The following PLCB1 variants were observed in gnomAD, a reference collection of about 807,000 sequenced individuals.
PLCB1 encodes the protein 1-phosphatidylinositol 4,5-bisphosphate phosphodiesterase beta-1.
In PLCB1, 46 loss-of-function variants were observed where a neutral mutation model predicts 161.8. The ratio of observed to expected loss-of-function variants is 0.28; its 90% CI spans 0.22 to 0.36. The LOEUF (loss-of-function observed/expected upper bound fraction) is 0.36. Ranked by LOEUF, PLCB1 falls within the 10% of genes least tolerant of loss-of-function variation. The pLI, the probability that PLCB1 is intolerant of heterozygous loss-of-function variation, is 1.00. For missense variants in PLCB1, 1,016 were observed against 1,472.5 expected (o/e 0.69, Z 5.07); for synonymous variants, 517 against 503.7 (o/e 1.03, Z -0.35).
At chr20:8,278,137 G>A (rs1982669697) in intron 2 of PLCB1, among the ~76,000 whole-genome samples, 1 of 151,266 alleles carries the variant, frequency 6.6e-6, no homozygotes, top group Admixed American at 6.6e-5. Flanking sequence ...AAAAGAATTA[G>A]AGCATATCCC....
chr20:8,624,135 C>T (rs911181787), intron 3 of PLCB1, among the ~76,000 whole-genome samples: 3 of 152,184 alleles, frequency 2.0e-5, no homozygotes, highest in African/African-American at 7.2e-5. Context: ...ACACGAATCT[C>T]ACTTAAGTAT....
chr20:8,308,654 A>T (rs1285474849), intron 2 of PLCB1, among the ~76,000 whole-genome samples: 1 of 150,612 alleles, frequency 6.6e-6, no homozygotes. Context: ...ACAACTATGA[A>T]TGTTCCTGTT....
At chr20:8,193,448 A>T (rs930865799) in intron 2 of PLCB1, among the ~76,000 whole-genome samples, 5 of 151,790 alleles carry the variant, frequency 3.3e-5, no homozygotes, top group Non-Finnish European at 5.9e-5. Flanking sequence ...GAGGAGAAAG[A>T]TGTGCTCTAT....
intron 3 of PLCB1, among the ~76,000 whole-genome samples, chr20:8,626,214 CA>C (rs1361523635): frequency 6.7e-6 from 1 of 149,244 alleles, no homozygotes; most frequent in Non-Finnish European, 1.5e-5. Context: ...ATATGAGCAA[CA>C]ATTACTGGGG....
intron 3 of PLCB1, among the ~76,000 whole-genome samples, chr20:8,566,772 A>G (rs1011499855): frequency 6.7e-6 from 1 of 149,474 alleles, no homozygotes; most frequent in Non-Finnish European, 1.5e-5. Context: ...CACTTCGGTT[A>G]CTTAGCTTGA....
intron 19 of PLCB1, among the ~76,000 whole-genome samples, chr20:8,736,012 C>T (rs758477137): frequency 1.3e-5 from 2 of 152,176 alleles, no homozygotes; most frequent in Admixed American, 6.5e-5. Flanking sequence ...ATAATTCTGT[C>T]CCCTTTCACA....
At chr20:8,498,704 G>A (rs1983281458) in intron 3 of PLCB1, among the ~76,000 whole-genome samples, 1 of 152,186 alleles carries the variant, frequency 6.6e-6, no homozygotes, top group Admixed American at 6.5e-5. Context: ...AAATTTAGTG[G>A]CTTAAGACAA....
At chr20:8,404,011 G>T (rs924867212) in intron 3 of PLCB1, among the ~76,000 whole-genome samples, 3 of 152,040 alleles carry the variant, frequency 2.0e-5, no homozygotes, top group African/African-American at 7.2e-5. Flanking sequence ...GTTAAATCAG[G>T]CTTGCTTTTT....
intron 9 of PLCB1, among the ~76,000 whole-genome samples, chr20:8,681,115 T>TAA (rs1384457520): frequency 9.6e-5 from 10 of 103,902 alleles, no homozygotes; most frequent in Non-Finnish European, 1.4e-4. Flanking sequence ...TATATATATA[T>TAA]ATATAATATA....
chr20:8,296,962 C>T (rs948160058), intron 2 of PLCB1, among the ~76,000 whole-genome samples: 4 of 152,000 alleles, frequency 2.6e-5, no homozygotes, highest in African/African-American at 9.7e-5. Context: ...TCAGTCGCAG[C>T]CTTTTCTATC....
chr20:8,831,076 A>G (rs1985957475), intron 31 of PLCB1: 1 of 152,198 alleles, frequency 6.6e-6, no homozygotes, highest in Non-Finnish European at 1.5e-5. Context: ...CTTATTTTAA[A>G]ATCACTCTAA....
intron 2 of PLCB1, among the ~76,000 whole-genome samples, chr20:8,228,407 T>A (rs6086369): frequency 3.3e-5 from 5 of 151,588 alleles, no homozygotes; most frequent in Non-Finnish European, 5.9e-5. Flanking sequence ...CCACCTATCC[T>A]TCTGGATTGC....
intron 14 of PLCB1, among the ~76,000 whole-genome samples, chr20:8,718,223 A>G (rs949331572): frequency 1.3e-5 from 2 of 152,140 alleles, no homozygotes; most frequent in African/African-American, 2.4e-5. Context: ...CGTCTCAAAA[A>G]AAAAAGAATT....
At chr20:8,248,070 T>C (rs1039921381) in intron 2 of PLCB1, among the ~76,000 whole-genome samples, 1 of 151,836 alleles carries the variant, frequency 6.6e-6, no homozygotes, top group Non-Finnish European at 1.5e-5. Context: ...GCAGGGGATT[T>C]ATTAGGGAAG....
intron 4 of PLCB1, among the ~76,000 whole-genome samples, chr20:8,629,839 TTC>T (rs1568535941): frequency 1.1e-5 from 1 of 94,414 alleles, no homozygotes; most frequent in African/African-American, 4.7e-5. Flanking sequence ...CTTTCTTTCT[TTC>T]TTTCTTTCTT....
At position 8,417,084 on chromosome 20, in the gene PLCB1, T is replaced by A. The variant is rs1283146844; in HGVS notation, c.246+45634T>A. The stretch of plus-strand genomic sequence containing the variant: ...ATATATATATATATATTTTTTTTTT[T>A]TTTTTTTTTTTTTTTTTTTTGAGAT... On this transcript the variant is annotated intron_variant, in intron 3 of 31. Transcript: ENST00000338037. Among the ~76,000 whole-genome samples, 175 of 84,516 alleles carry A rather than the reference T, an allele frequency of 2.1e-3. 5 individuals are homozygous for A. Among genetic ancestry groups the A allele is most frequent in the Non-Finnish European group, 2.5e-3 (98 of 39,128 alleles). The allele number at this position is 84,516 out of a possible 152,430, so 55.4% of individuals were successfully genotyped here.
At chr20:8,643,843 G>T (rs920268655) in intron 4 of PLCB1, among the ~76,000 whole-genome samples, 1 of 145,930 alleles carries the variant, frequency 6.9e-6, no homozygotes. Context: ...CTCTGATGCC[G>T]AGCCAAAGCT....
chr20:8,311,496 C>A (rs1042368358), intron 2 of PLCB1, among the ~76,000 whole-genome samples: 2 of 152,208 alleles, frequency 1.3e-5, no homozygotes, highest in Non-Finnish European at 2.9e-5. Context: ...TTGTACTTCA[C>A]TTTGATCCAT....
intron 23 of PLCB1, among the ~76,000 whole-genome samples, chr20:8,746,261 A>G (rs1158634257): frequency 6.6e-6 from 1 of 152,204 alleles, no homozygotes; most frequent in Non-Finnish European, 1.5e-5. Context: ...ATAATTTTTT[A>G]AATGTTTTAC....
Sources: gnomAD v4.1 joint callset for allele counts (sites outside exome capture counted in the v4.1 genomes callset) on GRCh38, gnomAD v4.1.1 for gene constraint, MANE v1.5 for transcripts, NCBI Gene and HGNC (gene_info 2026-07-23, HGNC 2026-07-21) for gene names.